The following KCNMA1 variants were observed in gnomAD, a reference collection of about 807,000 sequenced individuals.
KCNMA1 encodes the protein potassium calcium-activated channel subfamily M alpha 1.
Under a neutral mutation model 140.0 loss-of-function variants are expected in KCNMA1, and 29 were observed. That is an observed-to-expected ratio of 0.21 (90% CI 0.15 to 0.28). KCNMA1 has a LOEUF of 0.28. KCNMA1 is among the 10% of genes least tolerant of loss of function. The pLI is 1.00. For synonymous variants in KCNMA1, 612 were observed against 611.9 expected (o/e 1.00, Z 0.00); for missense variants, 880 against 1,602.2 (o/e 0.55, Z 7.70).
chr10:77,299,186 C>T (rs2075975423), intron 2 of KCNMA1, among the ~76,000 whole-genome samples: 2 of 152,196 alleles, frequency 1.3e-5, no homozygotes, highest in South Asian at 4.1e-4. Flanking sequence ...GAAGACCACA[C>T]CCTGCAACGC....
At chr10:77,055,115 A>T in intron 14 of KCNMA1, among the ~76,000 whole-genome samples, 1 of 152,196 alleles carries the variant, frequency 6.6e-6, no homozygotes, top group East Asian at 1.9e-4. Flanking sequence ...TATCTGAGTT[A>T]CTGGTTCTGG....
chr10:77,186,957 A>G (rs1318553818), intron 3 of KCNMA1, among the ~76,000 whole-genome samples: 52 of 152,166 alleles, frequency 3.4e-4, no homozygotes, highest in Non-Finnish European at 1.3e-4. Context: ...AGTCAAGGGG[A>G]GAGAAAAAAA....
chr10:76,873,560 G>A (rs1012265438), downstream of KCNMA1: 1 of 152,152 alleles, frequency 6.6e-6, no homozygotes, highest in African/African-American at 2.4e-5. Context: ...GTCCTTTCAA[G>A]GCTCATGGTG....
intron 2 of KCNMA1, among the ~76,000 whole-genome samples, chr10:77,383,552 T>C (rs1462416476): frequency 6.6e-6 from 1 of 152,116 alleles, no homozygotes; most frequent in East Asian, 1.9e-4. Flanking sequence ...ATTATCCATC[T>C]AGAAAGCATA....
At chr10:76,986,894 A>G (rs1373349165) in intron 19 of KCNMA1, among the ~76,000 whole-genome samples, 1 of 152,196 alleles carries the variant, frequency 6.6e-6, no homozygotes, top group Non-Finnish European at 1.5e-5. Flanking sequence ...GAAACAACGG[A>G]ACAAATGTGT....
intron 3 of KCNMA1, among the ~76,000 whole-genome samples, chr10:77,233,076 A>G (rs1419799392): frequency 6.6e-6 from 1 of 152,150 alleles, no homozygotes; most frequent in Non-Finnish European, 1.5e-5. Context: ...AAATTTGTAG[A>G]GACAGAGTCT....
At chr10:77,405,825 G>A (rs942118052) in intron 1 of KCNMA1, among the ~76,000 whole-genome samples, 3 of 152,160 alleles carry the variant, frequency 2.0e-5, no homozygotes, top group African/African-American at 7.2e-5. Context: ...CAAAGGGGGC[G>A]GGGCAGAGGG....
intron 2 of KCNMA1, among the ~76,000 whole-genome samples, chr10:77,315,214 C>T (rs1051794060): frequency 6.6e-6 from 1 of 152,128 alleles, no homozygotes; most frequent in Non-Finnish European, 1.5e-5. Flanking sequence ...CATGTGCCTA[C>T]GTTTGGTTGT....
At chr10:77,568,813 C>T (rs1159568374) in intron 1 of KCNMA1, among the ~76,000 whole-genome samples, 2 of 151,492 alleles carry the variant, frequency 1.3e-5, no homozygotes, top group Non-Finnish European at 3.0e-5. Context: ...TTGCAGATGA[C>T]ATGATTGTAT....
At chr10:77,369,668 GGA>G (rs1357557638) in intron 2 of KCNMA1, among the ~76,000 whole-genome samples, 8 of 152,186 alleles carry the variant, frequency 5.3e-5, no homozygotes, top group Non-Finnish European at 1.2e-4. Flanking sequence ...CCCAACCCCA[GGA>G]GCTAGAACAA....
intron 2 of KCNMA1, among the ~76,000 whole-genome samples, chr10:77,395,311 A>T: frequency 6.6e-6 from 1 of 152,064 alleles, no homozygotes; most frequent in Non-Finnish European, 1.5e-5. Context: ...GATTGCACCA[A>T]TGCACTCCAG....
chr10:77,107,758 T>C (rs1340892527), intron 9 of KCNMA1, among the ~76,000 whole-genome samples: 1 of 152,176 alleles, frequency 6.6e-6, no homozygotes, highest in Non-Finnish European at 1.5e-5. Context: ...CCGGAAGGAA[T>C]TTCAGCTGAG....
chr10:77,302,680 G>T (rs1030576498), intron 2 of KCNMA1, among the ~76,000 whole-genome samples: 8 of 152,208 alleles, frequency 5.3e-5, no homozygotes, highest in Admixed American at 5.2e-4. Flanking sequence ...CCCAAAGTCA[G>T]GTAGTCTCTG....
intron 1 of KCNMA1, among the ~76,000 whole-genome samples, chr10:77,540,688 CT>C (rs2059966572): frequency 6.6e-6 from 1 of 152,150 alleles, no homozygotes; most frequent in Non-Finnish European, 1.5e-5. Context: ...GAAAATGTAT[CT>C]CAAAAATTTA....
intron 13 of KCNMA1, among the ~76,000 whole-genome samples, chr10:77,074,393 G>A (rs562163287): frequency 5.3e-4 from 80 of 152,280 alleles, no homozygotes; most frequent in African/African-American, 1.9e-3. Context: ...ATTTAAAGAG[G>A]GAAAATGATC....
At chr10:77,204,649 C>T (rs2043494900) in intron 3 of KCNMA1, among the ~76,000 whole-genome samples, 1 of 152,176 alleles carries the variant, frequency 6.6e-6, no homozygotes, top group Non-Finnish European at 1.5e-5. Flanking sequence ...AGCATGAGGT[C>T]AACTCATTCT....
At chr10:76,924,981 G>A (rs1470158799) in intron 23 of KCNMA1, among the ~76,000 whole-genome samples, 2 of 152,086 alleles carry the variant, frequency 1.3e-5, no homozygotes, top group Admixed American at 6.6e-5. Flanking sequence ...CTTCAGAAAC[G>A]CTGTTCCCCC....
At chr10:77,529,787 C>T (rs948973196) in intron 1 of KCNMA1, among the ~76,000 whole-genome samples, 10 of 152,062 alleles carry the variant, frequency 6.6e-5, no homozygotes, top group African/African-American at 1.2e-4. Context: ...AGAGCCCCCA[C>T]GTGGGCCTTT....
intron 5 of KCNMA1, among the ~76,000 whole-genome samples, chr10:77,156,901 A>G (rs1340112522): frequency 6.6e-6 from 1 of 152,064 alleles, no homozygotes; most frequent in Non-Finnish European, 1.5e-5. Flanking sequence ...CCAAGCAATC[A>G]ACATTCCCTG....
Sources: allele counts gnomAD v4.1 joint callset (sites outside exome capture counted in the v4.1 genomes callset), GRCh38; gene constraint gnomAD v4.1.1; transcripts MANE v1.5; gene names NCBI Gene and HGNC (gene_info 2026-07-23, HGNC 2026-07-21).